Variants in KLHL12 observed in about 807,000 individuals in gnomAD.
The protein encoded by KLHL12 is kelch like family member 12.
A neutral mutation model predicts 60.8 loss-of-function variants in KLHL12; 17 were observed. That is an observed-to-expected ratio of 0.28 (90% CI 0.19 to 0.42). The LOEUF is 0.42. Among genes scored for constraint, KLHL12 ranks in the 10% least tolerant of loss-of-function variants. The pLI is 1.00. For missense variants in KLHL12, 468 were observed against 722.3 expected (o/e 0.65, Z 4.04); for synonymous variants, 220 against 250.9 (o/e 0.88, Z 1.16).
chr1:202,920,369 A>ATTTTTTT lies in KLHL12; in HGVS notation c.196-468_196-462dup, dbSNP rs951695987. On this transcript the variant is annotated intron_variant, in intron 2 of 11. Coordinates refer to ENST00000367261, the MANE Select transcript of KLHL12 (RefSeq NM_021633.4). ...ATAAAATTATGCTCTATTTTGTTGG[A>ATTTTTTT]TTTTTTTTTTTTTTTTTTTTTTTTT... 5.6e-3 allele frequency among the ~76,000 whole-genome samples: 473 copies of ATTTTTTT among 83,820 alleles called. 22 individuals are homozygous for ATTTTTTT. The highest frequency in any genetic ancestry group is 6.5e-3 in the Non-Finnish European group (306 of 47,062). The allele number at this position is 83,820 out of a possible 152,430, so 55.0% of individuals were successfully genotyped here.
At position 202,895,656 on chromosome 1, in the gene KLHL12, A is replaced by G. The variant is rs887441405; in HGVS notation, c.1001T>C (p.Ile334Thr). The change falls in exon 8 of 12, where the codon ATT becomes ACT. Residue 334 changes from isoleucine (I) to threonine (T), a missense_variant. This residue lies in a region of KLHL12 where 339 missense variants were observed against 525.0 expected (regional missense o/e 0.65). Transcript: ENST00000367261. The surrounding 1 kb of genome is among the most constrained non-coding windows in gnomAD (Gnocchi z 4.2). ...SVSLHDRIYVIGGYDGRSRLS... is the reference protein window; with the variant it reads ...SVSLHDRIYVTGGYDGRSRLS... ...GCGGGAACGGCCATCATAGCCACCA[A>G]TGACGTAGATCCGGTCATGAAGGGA... is the stretch of plus-strand genomic sequence containing the variant. 2 of 1,614,160 alleles carry G rather than the reference A, an allele frequency of 1.2e-6. No individual in the cohort carries two copies. Among genetic ancestry groups the G allele is most frequent in the Non-Finnish European group, 1.7e-6 (2 of 1,180,022 alleles).
Position 202,918,333 on chromosome 1 carries a change from G to A in KLHL12, c.405C>T (p.Cys135=). The A allele has an allele frequency of 6.2e-7, 1 of 1,614,120 alleles. No homozygotes were observed. Among genetic ancestry groups the A allele is most frequent in the African/African-American group, 1.3e-5 (1 of 75,030 alleles). The change falls in exon 4 of 12, where the codon TGC becomes TGT. Residue 135 remains cysteine, a synonymous_variant. Coordinates refer to ENST00000367261, the MANE Select transcript of KLHL12 (RefSeq NM_021633.4). ...FLESQLDPSN[C]LGIRDFAETH... ...TTTCAGCAAAATCCCTAATACCCAG[G>A]CAATTAGAAGGGTCCAACTGACTTT...
chr1:202,901,350 C>T (rs901576011), intron 6 of KLHL12, among the ~76,000 whole-genome samples: 3 of 152,026 alleles, frequency 2.0e-5, no homozygotes, highest in East Asian at 3.9e-4. Context: ...ACCACAGCAT[C>T]GACCTCCCAG....
intron 6 of KLHL12, among the ~76,000 whole-genome samples, chr1:202,904,738 T>C (rs1361801453): frequency 1.3e-5 from 2 of 152,170 alleles, no homozygotes; most frequent in African/African-American, 2.4e-5. Flanking sequence ...GTGTGTGTGC[T>C]GTGACACGTT....
chr1:202,919,714 G>A (rs745808815), intron 3 of KLHL12, 41 bp downstream of exon 3: 1 of 1,559,806 alleles, frequency 6.4e-7, no homozygotes, highest in South Asian at 1.2e-5. Flanking sequence ...CCTTTCCAGG[G>A]CTATTTTGAC....
chr1:202,900,717 A>T (rs1030912869), intron 6 of KLHL12, among the ~76,000 whole-genome samples: 2 of 152,196 alleles, frequency 1.3e-5, no homozygotes, highest in Non-Finnish European at 2.9e-5. Flanking sequence ...TACAAAAATT[A>T]GCCAGGTGTG....
chr1:202,919,975 T>C, intron 2 of KLHL12, 67 bp from the exon 3 acceptor site: 1 of 1,324,550 alleles, frequency 7.5e-7, no homozygotes, highest in Admixed American at 1.9e-5. Context: ...GAATCTCATA[T>C]CTAAGAGCTT....
At chr1:202,917,802 T>C (rs1660568570) in intron 4 of KLHL12, among the ~76,000 whole-genome samples, 1 of 152,208 alleles carries the variant, frequency 6.6e-6, no homozygotes, top group Admixed American at 6.5e-5. Flanking sequence ...TTTACCCACT[T>C]GGGGATCTGT....
intron 6 of KLHL12, among the ~76,000 whole-genome samples, chr1:202,908,374 T>C (rs1169459271): frequency 6.6e-6 from 1 of 152,212 alleles, no homozygotes; most frequent in Non-Finnish European, 1.5e-5. Context: ...AGTTATTATG[T>C]GCCAAGAAGT....
upstream of KLHL12, chr1:202,927,336 T>A: frequency 3.3e-6 from 3 of 914,202 alleles, no homozygotes; most frequent in Non-Finnish European, 3.9e-6. Context: ...TCACGTGACC[T>A]GTCTGTACCC....
rs10612618 is a variant in KLHL12, at chr1:202,899,822, CAAAAA to C, written c.833-2867_833-2863del. ...TAGGCAACAGAGTAAGACTCCATCT[CAAAAA>C]AAAAAAAAAAAAATAATAATAATAA... On this transcript the variant is annotated intron_variant, in intron 6 of 11. Coordinates refer to ENST00000367261, the MANE Select transcript of KLHL12 (RefSeq NM_021633.4). 3.0e-3 allele frequency among the ~76,000 whole-genome samples: 425 copies of C among 143,070 alleles called. 4 individuals are homozygous for C. Among genetic ancestry groups the C allele is most frequent in the African/African-American group, 9.7e-3 (361 of 37,352 alleles). The allele number at this position is 143,070 out of a possible 152,430, so 93.9% of individuals were successfully genotyped here.
rs201540872 is a variant in KLHL12, at chr1:202,896,988, G to A, written c.833-28C>T. The A allele has an allele frequency of 5.0e-4, 778 of 1,559,732 alleles. 2 individuals carry two copies. Among genetic ancestry groups the A allele is most frequent in the Middle Eastern group, 2.2e-3 (13 of 5,960 alleles). ...GAAGACAAAGGCAGAAAAAAGATGGGTTAGTTCAGCATCCCTGGATGGGTA... is the reference window on the plus strand; with the variant it reads ...GAAGACAAAGGCAGAAAAAAGATGGATTAGTTCAGCATCCCTGGATGGGTA... On this transcript the variant is annotated intron_variant, in intron 6 of 11. Transcript: ENST00000367261.
intron 1 of KLHL12, 134 bp downstream of exon 1, chr1:202,926,955 C>T: frequency 1.5e-6 from 1 of 680,872 alleles, no homozygotes; most frequent in Non-Finnish European, 1.8e-6. Flanking sequence ...CACCCCACTG[C>T]CAGCCTTCCT....
intron 1 of KLHL12, among the ~76,000 whole-genome samples, chr1:202,926,550 TA>T (rs1400114918): frequency 6.6e-6 from 1 of 152,122 alleles, no homozygotes; most frequent in Non-Finnish European, 1.5e-5. Flanking sequence ...TCTAGGGGTG[TA>T]AAAAGGTCTA....
At chr1:202,914,475 A>G (rs1660459913) in intron 4 of KLHL12, among the ~76,000 whole-genome samples, 2 of 152,254 alleles carry the variant, frequency 1.3e-5, no homozygotes, top group Non-Finnish European at 2.9e-5. Context: ...AAGCAGATAC[A>G]TGATAGACTC....
At chr1:202,911,493 C>T (rs1660358047) in intron 4 of KLHL12, among the ~76,000 whole-genome samples, 1 of 150,876 alleles carries the variant, frequency 6.6e-6, no homozygotes, top group African/African-American at 2.4e-5. Context: ...ATAGATAGTA[C>T]CTAATAAATC....
chr1:202,906,455 CAAAAAAAAAAAA>C (rs59435824), intron 6 of KLHL12, among the ~76,000 whole-genome samples: 1 of 52,746 alleles, frequency 1.9e-5, no homozygotes, highest in Non-Finnish European at 3.7e-5. Flanking sequence ...CGCTTCGTCT[CAAAAAAAAAAAA>C]AAAAAAAAAA....
chr1:202,905,880 C>T (rs953899329), intron 6 of KLHL12, among the ~76,000 whole-genome samples: 7 of 150,304 alleles, frequency 4.7e-5, no homozygotes, highest in African/African-American at 1.7e-4. Flanking sequence ...TCTCAGCTTA[C>T]TGCAGGCTCC....
At chr1:202,925,735 A>T (rs1306796135) in intron 1 of KLHL12, among the ~76,000 whole-genome samples, 1 of 152,194 alleles carries the variant, frequency 6.6e-6, no homozygotes, top group Non-Finnish European at 1.5e-5. Flanking sequence ...GCCACTCAGT[A>T]AAAATAAACT....
Sources: allele counts gnomAD v4.1 joint callset (sites outside exome capture counted in the v4.1 genomes callset), GRCh38; gene constraint gnomAD v4.1.1; regional missense constraint gnomAD v4.1.1; non-coding constraint Gnocchi (gnomAD v3.1); transcripts MANE v1.5; gene names NCBI Gene and HGNC (gene_info 2026-07-23, HGNC 2026-07-21).